Variants in GALNTL5 observed in about 807,000 individuals in gnomAD.
GALNTL5 encodes polypeptide N-acetylgalactosaminyltransferase like 5, also known as inactive polypeptide N-acetylgalactosaminyltransferase-like protein 5.
A neutral mutation model predicts 51.0 loss-of-function variants in GALNTL5; 44 were observed. The observed-to-expected ratio is 0.86, with a 90% CI of 0.68 to 1.11. The LOEUF is 1.11. GALNTL5 is among the 50% of genes least tolerant of loss of function. The pLI is 0.00. For synonymous variants in GALNTL5, 192 were observed against 182.8 expected (o/e 1.05, Z -0.41); for missense variants, 528 against 531.8 (o/e 0.99, Z 0.07).
intron 7 of GALNTL5, among the ~76,000 whole-genome samples, chr7:152,011,056 C>T (rs951929026): frequency 2.4e-4 from 36 of 152,248 alleles, no homozygotes; most frequent in African/African-American, 6.5e-4. Context: ...GTGGAGAAAC[C>T]GAGCCACAGA....
chr7:151,963,199 T>C (rs1320902155), intron 1 of GALNTL5, among the ~76,000 whole-genome samples: 2 of 152,222 alleles, frequency 1.3e-5, no homozygotes, highest in Non-Finnish European at 2.9e-5. Context: ...CCCCTTTAGT[T>C]CTGCAAATGT....
chr7:151,966,934 G>A (rs1324587170), intron 1 of GALNTL5, among the ~76,000 whole-genome samples: 1 of 152,178 alleles, frequency 6.6e-6, no homozygotes, highest in East Asian at 1.9e-4. Flanking sequence ...AGCCTTCTTT[G>A]ATGGTATTTC....
At position 151,971,157 on chromosome 7, in the gene GALNTL5, C is replaced by T. The variant is rs79112513; in HGVS notation, c.368+92C>T. The T allele has an allele frequency of 1.5e-3, 1,410 of 960,692 alleles. 20 individuals carry two copies. The African/African-American group carries it at 0.016, about 11-fold the overall frequency. 59.5% of individuals were successfully genotyped at this position (960,692 alleles called of 1,614,324 possible). On this transcript the variant is annotated intron_variant, in intron 3 of 8. Coordinates refer to ENST00000392800, the MANE Select transcript of GALNTL5 (RefSeq NM_145292.4). Reference sequence around the variant, plus strand: ...TAGATAGAAAGAAAACAGTTACTAACCAGATTTTAATTTGATCATACTAGA... The same window carrying T: ...TAGATAGAAAGAAAACAGTTACTAATCAGATTTTAATTTGATCATACTAGA...
rs112592395 is a variant in GALNTL5, at chr7:151,993,103, T to C, written c.658+5822T>C. On this transcript the variant is annotated intron_variant, in intron 5 of 8. Transcript: ENST00000392800. ...AAATACAAAAACTAGCCAGGTATGG[T>C]GGCACATGCATCCATAGCTACTCAG... Among the ~76,000 whole-genome samples, 1,266 of 152,060 alleles carry C rather than the reference T, an allele frequency of 8.3e-3. 18 individuals carry two copies. Among genetic ancestry groups the C allele is most frequent in the African/African-American group, 0.028 (1,169 of 41,472 alleles).
chr7:151,995,348 A>ATTTTTTTTTTTTTT lies in GALNTL5; in HGVS notation c.659-7337_659-7324dup, dbSNP rs71198750. On this transcript the variant is annotated intron_variant, in intron 5 of 8. Transcript: ENST00000392800. ...AGAAATCTACGATCAGTTGGTATGA[A>ATTTTTTTTTTTTTT]TTTTTTTTTTTTTTTTTTTTTTTTT... The ATTTTTTTTTTTTTT allele has an allele frequency of 4.2e-5, 3 of 71,176 alleles. 1 individual carries two copies. The highest frequency in any genetic ancestry group is 9.6e-5 in the African/African-American group (2 of 20,752). 4.4% of individuals were successfully genotyped at this position (71,176 alleles called of 1,614,324 possible).
At chr7:152,015,351 T>C (rs919931183) in intron 8 of GALNTL5, among the ~76,000 whole-genome samples, 1 of 148,092 alleles carries the variant, frequency 6.8e-6, no homozygotes, top group African/African-American at 2.5e-5. Flanking sequence ...CCCGTCCCCA[T>C]GTGCAACTCT....
chr7:151,974,118 C>G lies in GALNTL5; in HGVS notation c.368+3053C>G, dbSNP rs201057816. Among the ~76,000 whole-genome samples, 52 of 67,484 alleles carry G rather than the reference C, an allele frequency of 7.7e-4. 15 individuals carry two copies. The highest frequency in any genetic ancestry group is 2.7e-3 in the African/African-American group (50 of 18,820). 44.3% of individuals were successfully genotyped at this position (67,484 alleles called of 152,430 possible). ...CTTTTGTTTAGAAATTACCCAGTCT[C>G]AGGTGGTATCCTTATAGCAGTGTGA... On this transcript the variant is annotated intron_variant, in intron 3 of 8. Transcript: ENST00000392800.
At chr7:151,984,224 C>T (rs1441754953) in intron 4 of GALNTL5, 1 of 152,144 alleles carries the variant, frequency 6.6e-6, no homozygotes, top group African/African-American at 2.4e-5. Context: ...TTCATGCTTA[C>T]TGGTTTTAAA....
intron 8 of GALNTL5, among the ~76,000 whole-genome samples, chr7:152,018,135 C>T (rs938118486): frequency 2.0e-5 from 3 of 152,250 alleles, no homozygotes; most frequent in African/African-American, 4.8e-5. Context: ...TAAGCCACCA[C>T]GCCCAGCCTT....
At chr7:151,975,704 A>G (rs1308225754) in intron 3 of GALNTL5, among the ~76,000 whole-genome samples, 2 of 152,118 alleles carry the variant, frequency 1.3e-5, no homozygotes, top group East Asian at 1.9e-4. Flanking sequence ...GTTTATTCCT[A>G]TAATTCCAAA....
intron 5 of GALNTL5, chr7:151,995,087 T>G (rs2081481127): frequency 6.6e-6 from 1 of 152,620 alleles, no homozygotes; most frequent in Admixed American, 6.6e-5. Flanking sequence ...ATAATTCTCA[T>G]CACTATCTGT....
chr7:151,962,881 T>C (rs2081009469), intron 1 of GALNTL5, among the ~76,000 whole-genome samples: 2 of 152,198 alleles, frequency 1.3e-5, no homozygotes, highest in South Asian at 2.1e-4. Flanking sequence ...AGTGCTGGGA[T>C]TCCAGGAGTG....
intron 1 of GALNTL5, among the ~76,000 whole-genome samples, chr7:151,964,082 C>T (rs755885092): frequency 6.6e-6 from 1 of 152,124 alleles, no homozygotes. Context: ...TTCCCTGAGG[C>T]CTGTCTTCAG....
At chr7:152,008,705 C>T (rs1303017301) in intron 7 of GALNTL5, among the ~76,000 whole-genome samples, 2 of 151,050 alleles carry the variant, frequency 1.3e-5, no homozygotes, top group African/African-American at 4.9e-5. Flanking sequence ...ATCTGATGGT[C>T]CCTCTTAAGC....
At chr7:151,973,335 C>T (rs1034335354) in intron 3 of GALNTL5, among the ~76,000 whole-genome samples, 5 of 151,640 alleles carry the variant, frequency 3.3e-5, no homozygotes, top group East Asian at 1.9e-4. Context: ...CATGGTGATG[C>T]GTGCCTATAG....
In GALNTL5 at chr7:152,019,869, A is replaced by C. The variant is rs2081868962; in HGVS notation, c.*68A>C. The C allele has an allele frequency of 7.5e-7, 1 of 1,342,198 alleles. No homozygotes were observed. Among genetic ancestry groups the C allele is most frequent in the Non-Finnish European group, 1.0e-6 (1 of 971,244 alleles). 83.1% of individuals were successfully genotyped at this position (1,342,198 alleles called of 1,614,324 possible). On this transcript the variant is annotated 3_prime_UTR_variant, in exon 9 of 9. Coordinates refer to ENST00000392800, the MANE Select transcript of GALNTL5 (RefSeq NM_145292.4). Reference sequence around the variant, plus strand: ...CCTAGTCATTCAACATAGTGTCACAAGAGTGTAAGTTTGGAACATCGTGGA... The same window carrying C: ...CCTAGTCATTCAACATAGTGTCACACGAGTGTAAGTTTGGAACATCGTGGA...
chr7:151,992,398 C>T (rs543938535), intron 5 of GALNTL5, among the ~76,000 whole-genome samples: 1 of 152,216 alleles, frequency 6.6e-6, no homozygotes, highest in South Asian at 2.1e-4. Flanking sequence ...GCCAGAAGTC[C>T]AAAATCAAGG....
At chr7:152,007,765 T>C (rs996506297) in intron 6 of GALNTL5, 62 bp from the exon 7 acceptor site, 2 of 955,562 alleles carry the variant, frequency 2.1e-6, no homozygotes, top group African/African-American at 3.3e-5. Context: ...AATATAATTT[T>C]GAGGAAACTA....
chr7:151,990,387 T>C (rs1177067522), intron 5 of GALNTL5, among the ~76,000 whole-genome samples: 3 of 151,534 alleles, frequency 2.0e-5, no homozygotes, highest in African/African-American at 4.9e-5. Flanking sequence ...CCCACTTCAC[T>C]GGCTAACACA....
Sources: gnomAD v4.1 joint callset for allele counts (sites outside exome capture counted in the v4.1 genomes callset) on GRCh38, gnomAD v4.1.1 for gene constraint, MANE v1.5 for transcripts, NCBI Gene and HGNC (gene_info 2026-07-23, HGNC 2026-07-21) for gene names.